Variants in ME1 observed in about 807,000 individuals in gnomAD.
The protein encoded by ME1 is malic enzyme 1.
Under a neutral mutation model 66.4 loss-of-function variants are expected in ME1, and 74 were observed. That is an observed-to-expected ratio of 1.11 (90% CI 0.92 to 1.35). The LOEUF is 1.35. ME1 is among the 40% of genes most tolerant of loss of function. ME1 has a pLI of 0.00. For missense variants in ME1, 750 were observed against 694.1 expected (o/e 1.08, Z -0.90); for synonymous variants, 251 against 235.6 (o/e 1.07, Z -0.60).
intron 3 of ME1, chr6:83,393,036 G>T: frequency 8.0e-7 from 1 of 1,256,346 alleles, no homozygotes; most frequent in East Asian, 2.4e-5. Flanking sequence ...TGCCTCTACT[G>T]GTGCTGCCAA....
chr6:83,281,806 C>CAAA (rs140157932), intron 6 of ME1, among the ~76,000 whole-genome samples: 169 of 13,288 alleles, frequency 0.013, 7 homozygotes, highest in Admixed American at 0.015. Context: ...ACTCTGTCTC[C>CAAA]AAAAAAAAAA....
At chr6:83,403,352 GT>G (rs1315208688) in intron 2 of ME1, among the ~76,000 whole-genome samples, 2 of 152,156 alleles carry the variant, frequency 1.3e-5, no homozygotes, top group African/African-American at 4.8e-5. Flanking sequence ...TCATAGTTTT[GT>G]AGGCCAGGAA....
At chr6:83,243,624 CTAT>C (rs1175688654) in intron 7 of ME1, among the ~76,000 whole-genome samples, 3 of 97,952 alleles carry the variant, frequency 3.1e-5, no homozygotes, top group African/African-American at 5.3e-5. Context: ...TCGATATAAT[CTAT>C]TATAATTACA....
intron 5 of ME1, among the ~76,000 whole-genome samples, chr6:83,317,135 G>A (rs1768050425): frequency 6.6e-6 from 1 of 152,140 alleles, no homozygotes; most frequent in South Asian, 2.1e-4. Context: ...CAGTTTGTGA[G>A]CAAAATTGAA....
intron 11 of ME1, among the ~76,000 whole-genome samples, chr6:83,226,107 C>T (rs1790194779): frequency 1.3e-5 from 2 of 152,076 alleles, no homozygotes; most frequent in Admixed American, 1.3e-4. Flanking sequence ...GCAGACCTTT[C>T]CTTTTTCTCC....
At chr6:83,321,674 C>A (rs1768178554) in intron 5 of ME1, among the ~76,000 whole-genome samples, 1 of 152,208 alleles carries the variant, frequency 6.6e-6, no homozygotes, top group African/African-American at 2.4e-5. Flanking sequence ...GATAAAACTC[C>A]TATCTCCCTG....
At chr6:83,349,000 AAC>A (rs1296936009) in intron 4 of ME1, among the ~76,000 whole-genome samples, 4 of 144,102 alleles carry the variant, frequency 2.8e-5, no homozygotes, top group Admixed American at 1.4e-4. Flanking sequence ...AAAAAAAAAA[AAC>A]AAAAAACAAA....
intron 6 of ME1, among the ~76,000 whole-genome samples, chr6:83,278,404 C>A (rs1191079747): frequency 6.6e-6 from 1 of 152,180 alleles, no homozygotes; most frequent in African/African-American, 2.4e-5. Flanking sequence ...GTGCTTCCAG[C>A]AAGCGGGGAG....
At chr6:83,307,474 C>T (rs1370674866) in intron 6 of ME1, among the ~76,000 whole-genome samples, 1 of 152,034 alleles carries the variant, frequency 6.6e-6, no homozygotes, top group African/African-American at 2.4e-5. Flanking sequence ...GGAAGAATAG[C>T]AGGTGGAATC....
intron 3 of ME1, among the ~76,000 whole-genome samples, chr6:83,354,414 G>T (rs1369406275): frequency 6.6e-6 from 1 of 152,214 alleles, no homozygotes; most frequent in African/African-American, 2.4e-5. Context: ...TTATAGGCGT[G>T]AGCTACGGCA....
At chr6:83,250,917 T>G (rs1313485877) in intron 7 of ME1, among the ~76,000 whole-genome samples, 1 of 152,242 alleles carries the variant, frequency 6.6e-6, no homozygotes. Flanking sequence ...ATTCTGCTAT[T>G]ATGGCATGAA....
At chr6:83,330,459 A>G (rs1178870362) in intron 5 of ME1, among the ~76,000 whole-genome samples, 1 of 152,232 alleles carries the variant, frequency 6.6e-6, no homozygotes, top group African/African-American at 2.4e-5. Flanking sequence ...AATAAAAATG[A>G]TTAAAATTTA....
intron 3 of ME1, among the ~76,000 whole-genome samples, chr6:83,356,547 T>C (rs1486031416): frequency 6.6e-6 from 1 of 152,052 alleles, no homozygotes; most frequent in Non-Finnish European, 1.5e-5. Flanking sequence ...AGGAAAAACA[T>C]TACAAATTAG....
intron 6 of ME1, among the ~76,000 whole-genome samples, chr6:83,290,931 G>A (rs2128534812): frequency 6.6e-6 from 1 of 152,032 alleles, no homozygotes; most frequent in Middle Eastern, 3.4e-3. Flanking sequence ...CAGAGACCAG[G>A]ATTGCAACCC....
chr6:83,388,726 T>C (rs1005947522), intron 3 of ME1, among the ~76,000 whole-genome samples: 2 of 152,212 alleles, frequency 1.3e-5, no homozygotes, highest in Non-Finnish European at 2.9e-5. Context: ...AAGTACTATC[T>C]AATCAAACTT....
At chr6:83,292,083 A>G (rs945636112) in intron 6 of ME1, among the ~76,000 whole-genome samples, 1 of 152,018 alleles carries the variant, frequency 6.6e-6, no homozygotes, top group African/African-American at 2.4e-5. Context: ...TTTAGCTCAG[A>G]TAAGTTTGTT....
intron 3 of ME1, among the ~76,000 whole-genome samples, chr6:83,364,656 C>T (rs1769065848): frequency 6.6e-6 from 1 of 152,000 alleles, no homozygotes; most frequent in African/African-American, 2.4e-5. Context: ...GAGCTAGAGA[C>T]TATATATAGG....
chr6:83,258,241 A>T (rs1036154945), intron 6 of ME1, among the ~76,000 whole-genome samples: 2 of 152,156 alleles, frequency 1.3e-5, no homozygotes, highest in Non-Finnish European at 2.9e-5. Context: ...ACTATATATC[A>T]GTTTTAGTTT....
At chr6:83,229,390 C>T (rs1265719087) in intron 9 of ME1, among the ~76,000 whole-genome samples, 2 of 152,108 alleles carry the variant, frequency 1.3e-5, no homozygotes, top group East Asian at 1.9e-4. Flanking sequence ...TAGATTTTCT[C>T]AGTAAGTATG....
Sources: allele counts gnomAD v4.1 joint callset (sites outside exome capture counted in the v4.1 genomes callset), GRCh38; gene constraint gnomAD v4.1.1; transcripts MANE v1.5; gene names NCBI Gene and HGNC (gene_info 2026-07-23, HGNC 2026-07-21).